Variants in FANCD2 observed in about 807,000 individuals in gnomAD.
FANCD2 encodes the protein Fanconi anemia group D2 protein.
In FANCD2, 131 loss-of-function variants were observed where a neutral mutation model predicts 192.3. The ratio of observed to expected loss-of-function variants is 0.68; its 90% CI spans 0.59 to 0.79. FANCD2 has a LOEUF of 0.79. Among genes scored for constraint, FANCD2 ranks in the 30% least tolerant of loss-of-function variants. The pLI is 0.00. For missense variants in FANCD2, 1,508 were observed against 1,701.6 expected, an observed-to-expected ratio of 0.89 and a Z score of 2.00; for synonymous variants, 524 against 612.5, an observed-to-expected ratio of 0.86 and a Z score of 2.13.
chr3:10,096,236 G>T, intron 41 of FANCD2, 90 bp from the exon 42 acceptor site: 1 of 1,380,652 alleles, frequency 7.2e-7, no homozygotes. Flanking sequence ...CAGGGCTTGT[G>T]TTCTTATTCA....
chr3:10,054,673 T>C (rs803336), intron 18 of FANCD2, among the ~76,000 whole-genome samples: 33,277 of 148,108 alleles, frequency 0.22, 4,878 homozygotes, highest in African/African-American at 0.42. Context: ...TTAGTAGAGT[T>C]GGGGTTTCAC....
rs186528371 is a variant in FANCD2 at position 10,064,146 on chromosome 3, A to G, written c.1948-210A>G. Among the ~76,000 whole-genome samples the G allele has an allele frequency of 3.4e-4, 52 of 152,342 alleles. 1 individual carries two copies. Among genetic ancestry groups the G allele is most frequent in the Admixed American group, 2.5e-3 (39 of 15,304 alleles). ...GACTTTGTTAATGATGATGGCTATT[A>G]TCTGTCTGAGAGCCCTATTCTGTGC... On this transcript the variant is annotated intron_variant, in intron 21 of 43. Transcript: ENST00000675286.
chr3:10,083,397 G>A (rs1693965532), intron 32 of FANCD2: 1 of 152,234 alleles, frequency 6.6e-6, no homozygotes, highest in South Asian at 2.1e-4. Flanking sequence ...CACTAGCATA[G>A]CTACATCAAA....
chr3:10,086,779 G>T (rs148617630), intron 33 of FANCD2, among the ~76,000 whole-genome samples: 343 of 152,298 alleles, frequency 2.3e-3, no homozygotes, highest in African/African-American at 7.9e-3. Flanking sequence ...TGCCCGGCCT[G>T]TGAACCCAGA....
chr3:10,092,180 G>C lies in FANCD2; in HGVS notation c.3778-1G>C. On this transcript the variant is annotated splice_acceptor_variant, in intron 37 of 43. Coordinates refer to ENST00000675286, the MANE Select transcript of FANCD2 (RefSeq NM_001018115.3). LOFTEE classifies it high-confidence loss of function. ...GGTGCCCATATATTTGGCTGCCCCA[G>C]ATTCATGAAGAGAAACTCCTCTACT... 6.2e-7 allele frequency: 1 copy of C among 1,613,156 alleles called. No homozygotes were observed. The highest frequency in any genetic ancestry group is 8.5e-7 in the Non-Finnish European group (1 of 1,179,136).
intron 19 of FANCD2, among the ~76,000 whole-genome samples, chr3:10,060,913 C>T (rs1048111916): frequency 6.6e-6 from 1 of 152,166 alleles, no homozygotes; most frequent in East Asian, 1.9e-4. Context: ...GATTTCAGTT[C>T]ATGCTCCTTG....
chr3:10,051,354 C>G (rs1388534740), intron 17 of FANCD2, among the ~76,000 whole-genome samples: 4 of 133,532 alleles, frequency 3.0e-5, no homozygotes, highest in Admixed American at 9.1e-5. Flanking sequence ...GCACTCCAGC[C>G]TGGGCGACAG....
In FANCD2 at chr3:10,052,442, A is replaced by G. The variant is rs143701205; in HGVS notation, c.1601A>G (p.Tyr534Cys). ...ISPQQIRKLF[Y>C]VLSTLAFSKQ... ...CCTCAGCAAATACGAAAACTCTTCT[A>G]TGTTCTCAGCACACTGGCATTTAGC... is the stretch of plus-strand genomic sequence containing the variant. Residue 534 changes from tyrosine to cysteine, a missense_variant, in exon 18 of 44, where the codon TAT becomes TGT. This residue lies in a region of FANCD2 where 110 missense variants were observed against 114.4 expected (regional missense o/e 0.96). Transcript: ENST00000675286. 86 of 1,613,008 alleles carry G rather than the reference A, an allele frequency of 5.3e-5. No individual in the cohort carries two copies. Among genetic ancestry groups the G allele is most frequent in the Admixed American group, 1.0e-4 (6 of 60,016 alleles).
chr3:10,048,604 C>G (rs76519400), intron 16 of FANCD2, among the ~76,000 whole-genome samples: 1 of 141,564 alleles, frequency 7.1e-6, no homozygotes, highest in Non-Finnish European at 1.5e-5. Flanking sequence ...TGGGCCTGGC[C>G]GAGACACATT....
intron 25 of FANCD2, among the ~76,000 whole-genome samples, chr3:10,066,652 G>A (rs1327677924): frequency 6.6e-6 from 1 of 152,170 alleles, no homozygotes; most frequent in Non-Finnish European, 1.5e-5. Flanking sequence ...TCACCAAATT[G>A]TGTGCTGTCT....
chr3:10,073,953 T>A (rs34698410), intron 28 of FANCD2, among the ~76,000 whole-genome samples: 1 of 152,054 alleles, frequency 6.6e-6, no homozygotes, highest in Non-Finnish European at 1.5e-5. Flanking sequence ...TGTTTTTTGT[T>A]TTTTGTTTTT....
Position 10,096,335 on chromosome 3 carries a change from G to A in FANCD2, c.4048G>A (p.Asp1350Asn), listed in dbSNP as rs772169028. 6.2e-6 allele frequency: 10 copies of A among 1,614,052 alleles called. No homozygotes were observed. The highest frequency in any genetic ancestry group is 8.5e-6 in the Non-Finnish European group (10 of 1,179,992). ...ATTTATTTCCATTCAGATTCACCAG[G>A]ACACGAGACTCACCCAACATGTGCC... ...HLCGHSKIHQ[D>N]TRLTQHVPLL... Residue 1350 changes from aspartate (D) to asparagine (N), a missense_variant, in exon 42 of 44, where the codon GAC becomes AAC. Around this residue, in one of 5 missense-constraint regions of FANCD2, gnomAD observed 796 missense variants for 879.4 expected, o/e 0.91. Coordinates refer to ENST00000675286, the MANE Select transcript of FANCD2 (RefSeq NM_001018115.3).
chr3:10,078,566 G>A (rs964189912), intron 30 of FANCD2, among the ~76,000 whole-genome samples: 8 of 151,608 alleles, frequency 5.3e-5, no homozygotes, highest in South Asian at 2.1e-4. Context: ...GTGTTAGCCA[G>A]GATGGTCTCA....
Position 10,065,433 on chromosome 3 carries a change from A to G in FANCD2, c.2208A>G (p.Leu736=), listed in dbSNP as rs777842000. 6.2e-7 allele frequency: 1 copy of G among 1,614,016 alleles called. No individual in the cohort carries two copies. Among genetic ancestry groups the G allele is most frequent in the Admixed American group, 1.7e-5 (1 of 60,004 alleles). The part of the protein sequence containing the change: ...SPLCLAPYFR[L]LRLCVERQHN... Reference sequence around the variant, plus strand: ...TGTGCCTGGCTCCGTATTTCCGGTTACTGAGACTTTGTGTGGAGAGACAGC... The same window carrying G: ...TGTGCCTGGCTCCGTATTTCCGGTTGCTGAGACTTTGTGTGGAGAGACAGC... Residue 736 remains leucine (L), a synonymous_variant, in exon 24 of 44, where the codon TTA becomes TTG. Transcript: ENST00000675286.
intron 11 of FANCD2, 142 bp from the exon 12 acceptor site, chr3:10,042,908 C>T (rs1194115408): frequency 4.5e-5 from 37 of 829,994 alleles, no homozygotes; most frequent in Non-Finnish European, 7.2e-5. Flanking sequence ...TGGCTATTCT[C>T]ATAACTCTAT....
At chr3:10,027,672 G>A (rs34941997) in intron 1 of FANCD2, among the ~76,000 whole-genome samples, 1 of 152,208 alleles carries the variant, frequency 6.6e-6, no homozygotes, top group African/African-American at 2.4e-5. Context: ...TTGGGAGTCC[G>A]AGGCGGGCGG....
intron 6 of FANCD2, among the ~76,000 whole-genome samples, 182 bp from the exon 7 acceptor site, chr3:10,036,105 T>TTTTTTTTTTTTG (rs2086724568): frequency 6.8e-6 from 1 of 146,788 alleles, no homozygotes; most frequent in African/African-American, 2.6e-5. Flanking sequence ...TTTTTTTTTT[T>TTTTTTTTTTTTG]GAGTCAGAGT....
chr3:10,059,975 C>T (rs1216198224), intron 18 of FANCD2, among the ~76,000 whole-genome samples: 1 of 151,804 alleles, frequency 6.6e-6, no homozygotes, highest in Admixed American at 6.6e-5. Flanking sequence ...GTTCACCAGC[C>T]TAGCCAACAT....
At chr3:10,062,978 G>C (rs2087613062) in intron 20 of FANCD2, among the ~76,000 whole-genome samples, 1 of 152,168 alleles carries the variant, frequency 6.6e-6, no homozygotes, top group African/African-American at 2.4e-5. Context: ...TGGGATTACA[G>C]ATGTGAGCCA....
Sources: gnomAD v4.1 joint callset for allele counts (sites outside exome capture counted in the v4.1 genomes callset) on GRCh38, gnomAD v4.1.1 for gene constraint, gnomAD v4.1.1 regional missense constraint, MANE v1.5 for transcripts, NCBI Gene and HGNC (gene_info 2026-07-23, HGNC 2026-07-21) for gene names.